Variants in DMD observed in about 807,000 individuals in gnomAD.
The protein encoded by DMD is dystrophin.
In DMD, 63 loss-of-function variants were observed where a neutral mutation model predicts 330.1. The observed-to-expected ratio is 0.19, with a 90% CI of 0.16 to 0.24. DMD has a LOEUF of 0.24. DMD is among the 10% of genes least tolerant of loss of function. The pLI, the probability that DMD is intolerant of heterozygous loss-of-function variation, is 1.00. For missense variants in DMD, 3,344 were observed against 2,684.1 expected (o/e 1.25, Z -5.43); for synonymous variants, 1,223 against 959.8 (o/e 1.27, Z -5.07).
chrX:31,766,424 A>G (rs1257776827), intron 51 of DMD, among the ~76,000 whole-genome samples: 2 of 111,321 alleles, frequency 1.8e-5, no homozygotes, highest in Non-Finnish European at 3.8e-5. Context: ...ACGCCCGGCT[A>G]ATTTTGTATT....
At position 31,575,457 on chromosome X, in the gene DMD, G is replaced by A. The variant is rs747875884; in HGVS notation, c.8217+52216C>T. ...TAACAGCAGGACCTAAATCATGCTG[G>A]TGTAACTGCTGGGTTTGTCCTCAGA... On this transcript the variant is annotated intron_variant, in intron 55 of 78. Transcript: ENST00000357033. Among the ~76,000 whole-genome samples the A allele has an allele frequency of 6.3e-5, 7 of 111,786 alleles. No individual in the cohort carries two copies. The East Asian group carries it at 1.9e-3, about 31-fold the overall frequency.
At chrX:33,242,120 A>C (rs959610501) in intron 1 of DMD, among the ~76,000 whole-genome samples, 1 of 111,262 alleles carries the variant, frequency 9.0e-6, no homozygotes, top group African/African-American at 3.3e-5. Context: ...TTTATTTTTT[A>C]TTTTCCCTAA....
At chrX:32,060,063 G>T (rs1257664963) in intron 44 of DMD, among the ~76,000 whole-genome samples, 1 of 110,217 alleles carries the variant, frequency 9.1e-6, no homozygotes, top group Admixed American at 9.7e-5. Context: ...TGACCTGTCT[G>T]CTCGAAAGCC....
At chrX:32,688,896 T>C (rs1294192306) in intron 9 of DMD, among the ~76,000 whole-genome samples, 1 of 111,449 alleles carries the variant, frequency 9.0e-6, no homozygotes, top group African/African-American at 3.3e-5. Flanking sequence ...CTATTCTTAT[T>C]TAGAATTATC....
intron 12 of DMD, among the ~76,000 whole-genome samples, chrX:32,607,754 G>A (rs1405029416): frequency 1.8e-5 from 2 of 109,943 alleles, no homozygotes; most frequent in Admixed American, 9.7e-5. Context: ...TTTCTTGTAA[G>A]GTTTCCCTAA....
Position 31,223,033 on chromosome X carries a change from T to C in DMD, c.9361+14A>G. On this transcript the variant is annotated intron_variant, in intron 64 of 78. Transcript: ENST00000357033. ...ACATAGTATCAAGATCTTCAAATAC[T>C]GGCCAATACTTACAGCAAAGGGCCT... The C allele has an allele frequency of 8.3e-7, 1 of 1,198,071 alleles. No homozygotes were observed. The highest frequency in any genetic ancestry group is 1.1e-6 in the Non-Finnish European group (1 of 882,822).
chrX:33,135,349 G>A (rs1203246290), intron 1 of DMD, among the ~76,000 whole-genome samples: 1 of 111,917 alleles, frequency 8.9e-6, no homozygotes. Context: ...TCCAACACGT[G>A]TTATTTAAAC....
intron 60 of DMD, among the ~76,000 whole-genome samples, chrX:31,414,996 A>G (rs1340323716): frequency 8.9e-6 from 1 of 112,761 alleles, no homozygotes; most frequent in Non-Finnish European, 1.9e-5. Flanking sequence ...TACTCTAGTT[A>G]TAACACTTCT....
intron 52 of DMD, among the ~76,000 whole-genome samples, chrX:31,694,653 C>A (rs867102373): frequency 2.9e-5 from 2 of 68,998 alleles, no homozygotes; most frequent in African/African-American, 6.2e-5. Context: ...TATATATACA[C>A]ACACATATAT....
chrX:31,685,354 G>A (rs1315781387), intron 52 of DMD, among the ~76,000 whole-genome samples: 1 of 111,587 alleles, frequency 9.0e-6, no homozygotes, highest in East Asian at 2.8e-4. Context: ...TTACATCCAT[G>A]GTTTAAAATA....
chrX:32,266,658 A>C lies in DMD; in HGVS notation c.6290+20871T>G, dbSNP rs6631532. 0.046 allele frequency among the ~76,000 whole-genome samples: 5,108 copies of C among 111,701 alleles called. 377 individuals are homozygous for C. The East Asian group carries it at 0.47, about 10-fold the overall frequency. The stretch of plus-strand genomic sequence containing the variant: ...TATTTAATATATTTTCATATGTTGT[A>C]CATGTAAGAAATCTGATTTTATGGC... On this transcript the variant is annotated intron_variant, in intron 43 of 78. Transcript: ENST00000357033.
chrX:32,518,782 A>G (rs2046119947), intron 17 of DMD, among the ~76,000 whole-genome samples: 1 of 110,619 alleles, frequency 9.0e-6, no homozygotes, highest in Non-Finnish European at 1.9e-5. Context: ...AGGCATGCAA[A>G]TAAAGCCCTC....
chrX:32,704,532 A>G (rs180998524), intron 7 of DMD, among the ~76,000 whole-genome samples: 33 of 112,041 alleles, frequency 2.9e-4, no homozygotes, highest in African/African-American at 1.0e-3. Context: ...CAGAATTATA[A>G]TGCATAGCAT....
chrX:32,614,838 G>T (rs1024950721), intron 11 of DMD, among the ~76,000 whole-genome samples: 2 of 109,767 alleles, frequency 1.8e-5, no homozygotes, highest in Non-Finnish European at 3.8e-5. Flanking sequence ...AAGAGATGAG[G>T]TCTATTTTCC....
At chrX:31,579,186 G>A (rs1226596189) in intron 55 of DMD, among the ~76,000 whole-genome samples, 1 of 112,292 alleles carries the variant, frequency 8.9e-6, no homozygotes, top group African/African-American at 3.2e-5. Flanking sequence ...AGGGAGATCT[G>A]GAGACCAGAA....
rs191694035 is a variant in DMD, at chrX:31,227,820, T to C, written c.9287-4699A>G. Among the ~76,000 whole-genome samples the C allele has an allele frequency of 4.5e-4, 50 of 110,916 alleles. No homozygotes were observed. The East Asian group carries it at 0.01, about 23-fold the overall frequency. ...CTCCTTGAAGAGGTCCTTCACATTG[T>C]GGCATTATTCACAATAGCAAAGACT... On this transcript the variant is annotated intron_variant, in intron 63 of 78. Coordinates refer to ENST00000357033, the MANE Select transcript of DMD (RefSeq NM_004006.3).
At chrX:31,275,467 G>A (rs924794062) in intron 62 of DMD, among the ~76,000 whole-genome samples, 11 of 111,222 alleles carry the variant, frequency 9.9e-5, no homozygotes, top group African/African-American at 2.9e-4. Flanking sequence ...AGACCTTCAC[G>A]TGGGAATTGA....
intron 17 of DMD, among the ~76,000 whole-genome samples, chrX:32,530,540 A>G (rs998368488): frequency 8.9e-6 from 1 of 112,497 alleles, no homozygotes; most frequent in Non-Finnish European, 1.9e-5. Flanking sequence ...TGTCACATTT[A>G]TAAGTTTTGT....
rs1304608234 is a variant in DMD, at chrX:31,999,118, T to C, written c.6439-30604A>G. On this transcript the variant is annotated intron_variant, in intron 44 of 78. Coordinates refer to ENST00000357033, the MANE Select transcript of DMD (RefSeq NM_004006.3). Reference sequence around the variant, plus strand: ...AGCAAAGGCACCAACAAATCAATAGTAAGATTCTTTGATGTTCATCTTTTA... The same window carrying C: ...AGCAAAGGCACCAACAAATCAATAGCAAGATTCTTTGATGTTCATCTTTTA... Among the ~76,000 whole-genome samples, 3 of 112,248 alleles carry C rather than the reference T, an allele frequency of 2.7e-5. No homozygotes were observed. In the Admixed American group the frequency reaches 2.8e-4, roughly 11 times the overall value.
Sources: allele counts gnomAD v4.1 joint callset (sites outside exome capture counted in the v4.1 genomes callset), GRCh38; gene constraint gnomAD v4.1.1; transcripts MANE v1.5; gene names NCBI Gene and HGNC (gene_info 2026-07-23, HGNC 2026-07-21).